PPARGC1A: variants seen among roughly 807,000 people sequenced by gnomAD.
The protein encoded by PPARGC1A is peroxisome proliferator-activated receptor gamma coactivator 1-alpha.
PPARGC1A carries 25 observed loss-of-function variants against 88.7 expected under a neutral mutation model. The ratio of observed to expected loss-of-function variants is 0.28; its 90% CI spans 0.21 to 0.39. The LOEUF is 0.39. Ranked by LOEUF, PPARGC1A falls within the 10% of genes least tolerant of loss-of-function variation. The pLI, the probability that PPARGC1A is intolerant of heterozygous loss-of-function variation, is 1.00. For synonymous variants in PPARGC1A, 363 were observed against 355.6 expected (o/e 1.02, Z -0.24); for missense variants, 880 against 968.7 (o/e 0.91, Z 1.22).
intron 2 of PPARGC1A, among the ~76,000 whole-genome samples, chr4:23,837,723 T>C (rs1726277772): frequency 6.6e-6 from 1 of 152,240 alleles, no homozygotes; most frequent in Non-Finnish European, 1.5e-5. Flanking sequence ...TCTTGGATTA[T>C]CCACTACTTT....
chr4:24,438,985 A>G, the PPARGC1A span, among the ~76,000 whole-genome samples: 3 of 152,160 alleles, frequency 2.0e-5, no homozygotes, highest in Non-Finnish European at 2.9e-5. Context: ...CTGCACTAAT[A>G]TATTATGCAC....
chr4:24,069,126 C>G, the PPARGC1A span, among the ~76,000 whole-genome samples: 1 of 152,190 alleles, frequency 6.6e-6, no homozygotes, highest in Non-Finnish European at 1.5e-5. Flanking sequence ...GTTATGATCT[C>G]TACTTTATAA....
chr4:24,428,161 T>C, the PPARGC1A span, among the ~76,000 whole-genome samples: 4 of 151,514 alleles, frequency 2.6e-5, no homozygotes, highest in African/African-American at 9.7e-5. Context: ...CAAATGACCA[T>C]AGTGCCAAGA....
chr4:23,811,224 C>T (rs978769664), intron 10 of PPARGC1A, among the ~76,000 whole-genome samples: 7 of 152,170 alleles, frequency 4.6e-5, no homozygotes, highest in African/African-American at 1.7e-4. Flanking sequence ...TTGGCCAATG[C>T]TTGATTTTGA....
chr4:24,155,935 C>CA, the PPARGC1A span, among the ~76,000 whole-genome samples: 1 of 152,134 alleles, frequency 6.6e-6, no homozygotes, highest in African/African-American at 2.4e-5. Context: ...TGGGTCCATG[C>CA]AAAATGAGAA....
chr4:23,947,528 C>T, the PPARGC1A span, among the ~76,000 whole-genome samples: 1 of 151,832 alleles, frequency 6.6e-6, no homozygotes, highest in South Asian at 2.1e-4. Context: ...TCTTCATCCA[C>T]CCCTCAAGCT....
chr4:23,898,373 C>A (rs1157463832), intron 1 of PPARGC1A, among the ~76,000 whole-genome samples: 1 of 152,128 alleles, frequency 6.6e-6, no homozygotes, highest in African/African-American at 2.4e-5. Context: ...CACCTAAGAC[C>A]AACCAGCTTG....
intron 7 of PPARGC1A, among the ~76,000 whole-genome samples, chr4:23,823,426 T>A (rs61661281): frequency 2.0e-5 from 3 of 151,804 alleles, no homozygotes; most frequent in Non-Finnish European, 4.4e-5. Context: ...AATATTTGAA[T>A]GTATATTTTT....
chr4:23,832,902 G>A (rs1198895860), intron 2 of PPARGC1A, among the ~76,000 whole-genome samples: 1 of 140,890 alleles, frequency 7.1e-6, no homozygotes, highest in East Asian at 2.0e-4. Context: ...GAGCTACTGC[G>A]CCCGGCCCCA....
the PPARGC1A span, among the ~76,000 whole-genome samples, chr4:24,356,332 A>G: frequency 6.6e-6 from 1 of 152,340 alleles, no homozygotes; most frequent in Admixed American, 6.5e-5. Flanking sequence ...GGGAAGGCCC[A>G]GGGTCTGACC....
At chr4:23,893,254 C>G (rs1718117331), upstream of PPARGC1A, among the ~76,000 whole-genome samples, 1 of 152,038 alleles carries the variant, frequency 6.6e-6, no homozygotes, top group Admixed American at 6.6e-5. Context: ...ATTTGGGTTT[C>G]CTTCCTCACT....
At chr4:24,283,479 A>T in the PPARGC1A span, among the ~76,000 whole-genome samples, 1,378 of 152,216 alleles carry the variant, frequency 9.1e-3, 30 homozygotes, top group African/African-American at 0.031. Context: ...CTTCATTTAC[A>T]TTTTTTTCCG....
the PPARGC1A span, among the ~76,000 whole-genome samples, chr4:23,999,517 T>C: frequency 3.9e-5 from 6 of 152,236 alleles, no homozygotes; most frequent in Non-Finnish European, 8.8e-5. Context: ...TGATTTTTTG[T>C]TGTTGTTGTT....
chr4:24,462,375 G>T, the PPARGC1A span, among the ~76,000 whole-genome samples: 1 of 151,880 alleles, frequency 6.6e-6, no homozygotes, highest in Non-Finnish European at 1.5e-5. Context: ...GGGATTACAG[G>T]TGTGAGCCAC....
At chr4:23,877,496 C>T (rs1378233145) in intron 2 of PPARGC1A, among the ~76,000 whole-genome samples, 2 of 132,284 alleles carry the variant, frequency 1.5e-5, no homozygotes, top group Admixed American at 1.7e-4. Context: ...TGAGATCTTG[C>T]CATTGCACTC....
the PPARGC1A span, among the ~76,000 whole-genome samples, chr4:24,027,356 C>T: frequency 6.6e-6 from 1 of 152,044 alleles, no homozygotes; most frequent in Non-Finnish European, 1.5e-5. Context: ...CTACCCAAGT[C>T]CCAATATTTC....
intron 1 of PPARGC1A, among the ~76,000 whole-genome samples, chr4:23,898,017 A>G (rs1255051893): frequency 6.6e-6 from 1 of 152,214 alleles, no homozygotes; most frequent in Admixed American, 6.5e-5. Context: ...AAGGGTGGAT[A>G]TTATATTCAG....
chr4:24,342,157 T>C, the PPARGC1A span, among the ~76,000 whole-genome samples: 9 of 152,218 alleles, frequency 5.9e-5, no homozygotes, highest in South Asian at 2.1e-4. Context: ...CTGTTTCTTT[T>C]ATGTGCCGTG....
the PPARGC1A span, among the ~76,000 whole-genome samples, chr4:24,399,959 TAATTTTAG>T: frequency 2.0e-5 from 3 of 152,062 alleles, no homozygotes; most frequent in Admixed American, 6.6e-5. Flanking sequence ...CTAATTTTTG[TAATTTTAG>T]TGGAGACAGG....
Sources: gnomAD v4.1 joint callset for allele counts (sites outside exome capture counted in the v4.1 genomes callset) on GRCh38, gnomAD v4.1.1 for gene constraint, MANE v1.5 for transcripts, NCBI Gene and HGNC (gene_info 2026-07-23, HGNC 2026-07-21) for gene names.